The following ITGB5 variants were observed in gnomAD, a reference collection of about 807,000 sequenced individuals.
ITGB5 encodes integrin beta-5.
In ITGB5, 38 loss-of-function variants were observed where a neutral mutation model predicts 84.8. The ratio of observed to expected loss-of-function variants is 0.45; its 90% CI spans 0.35 to 0.59. ITGB5 has a LOEUF of 0.59. Ranked by LOEUF, ITGB5 falls within the 20% of genes least tolerant of loss-of-function variation. The pLI is 0.01. For synonymous variants in ITGB5, 393 were observed against 414.4 expected (o/e 0.95, Z 0.63); for missense variants, 905 against 1,034.5 (o/e 0.87, Z 1.72).
chr3:124,790,714 T>TC (rs2064138082), intron 10 of ITGB5, among the ~76,000 whole-genome samples: 1 of 149,028 alleles, frequency 6.7e-6, no homozygotes, highest in South Asian at 2.1e-4. Context: ...TTCTTGTTCT[T>TC]TTTTTTTTTG....
At chr3:124,804,207 G>C (rs1363191371) in intron 9 of ITGB5, among the ~76,000 whole-genome samples, 2 of 152,122 alleles carry the variant, frequency 1.3e-5, no homozygotes, top group African/African-American at 4.8e-5. Context: ...CATCATGATA[G>C]TTGCTTGTCA....
intron 3 of ITGB5, among the ~76,000 whole-genome samples, chr3:124,852,296 A>G (rs2107609003): frequency 6.6e-6 from 1 of 152,062 alleles, no homozygotes; most frequent in East Asian, 1.9e-4. Flanking sequence ...CCCTGTAGCT[A>G]TATCCCTTCT....
intron 10 of ITGB5, among the ~76,000 whole-genome samples, chr3:124,782,974 C>T (rs199806823): frequency 1.3e-5 from 2 of 151,638 alleles, no homozygotes; most frequent in South Asian, 2.1e-4. Context: ...CCCTTTCTTT[C>T]TTTTTTTTCT....
intron 2 of ITGB5, among the ~76,000 whole-genome samples, chr3:124,861,401 G>A (rs1197564749): frequency 7.4e-5 from 11 of 149,446 alleles, no homozygotes; most frequent in East Asian, 6.0e-4. Flanking sequence ...CAGGAGCTCC[G>A]GGCTGCAGTG....
intron 9 of ITGB5, among the ~76,000 whole-genome samples, chr3:124,806,306 G>A (rs1415182691): frequency 6.6e-6 from 1 of 151,828 alleles, no homozygotes; most frequent in East Asian, 1.9e-4. Context: ...CCTTGTTTGG[G>A]TATATTTCCC....
chr3:124,788,145 C>T (rs1471346205), intron 10 of ITGB5, among the ~76,000 whole-genome samples: 1 of 152,104 alleles, frequency 6.6e-6, no homozygotes, highest in Non-Finnish European at 1.5e-5. Context: ...AGCAATCCAC[C>T]CACCACCTTG....
intron 5 of ITGB5, among the ~76,000 whole-genome samples, chr3:124,823,986 C>T (rs2064746045): frequency 6.6e-6 from 1 of 152,020 alleles, no homozygotes; most frequent in Non-Finnish European, 1.5e-5. Context: ...TTGGAAGAGC[C>T]GATGGTGTTG....
In ITGB5 at chr3:124,859,487, G is replaced by C. The variant is rs757022618; in HGVS notation, c.157-41C>G. The C allele has an allele frequency of 3.9e-6, 6 of 1,544,938 alleles. No individual in the cohort carries two copies. In the South Asian group the frequency reaches 6.8e-5, roughly 18 times the overall value. On this transcript the variant is annotated intron_variant, in intron 2 of 14. Transcript: ENST00000296181. ...GAGGAAGAGAGCAGGAGGTGGTCAG[G>C]GTGTCTCCCGAAAACATCGCATGTC...
At chr3:124,885,100 A>G (rs36071060) in intron 1 of ITGB5, among the ~76,000 whole-genome samples, 67,336 of 151,908 alleles carry the variant, frequency 0.44, 15,221 homozygotes, top group East Asian at 0.67. Flanking sequence ...GTGAAACCCC[A>G]TCTCTACTAA....
At chr3:124,781,521 G>A (rs187820149) in intron 10 of ITGB5, among the ~76,000 whole-genome samples, 18 of 152,244 alleles carry the variant, frequency 1.2e-4, no homozygotes, top group East Asian at 1.2e-3. Context: ...TTTCTGAAAC[G>A]CACAGGACGT....
rs2063707247 is a variant in ITGB5, at chr3:124,762,327, G to C, written c.*1296C>G. On this transcript the variant is annotated 3_prime_UTR_variant, in exon 15 of 15. Transcript: ENST00000296181. Reference sequence around the variant, plus strand: ...TCTAAGAGCAAGCAGGAATGAGGAGGCTGGCCCTCTGGCCAGCATGAGATG... The same window carrying C: ...TCTAAGAGCAAGCAGGAATGAGGAGCCTGGCCCTCTGGCCAGCATGAGATG... 6.6e-6 allele frequency: 1 copy of C among 152,196 alleles called. No individual in the cohort carries two copies. The highest frequency in any genetic ancestry group is 2.1e-4 in the South Asian group (1 of 4,830). The allele number at this position is 152,196 out of a possible 1,614,324, so 9.4% of individuals were successfully genotyped here.
chr3:124,771,270 C>T (rs1180504209), intron 11 of ITGB5, among the ~76,000 whole-genome samples: 3 of 152,068 alleles, frequency 2.0e-5, no homozygotes, highest in African/African-American at 7.3e-5. Flanking sequence ...AGACTGGCTG[C>T]CCTGAAACCC....
chr3:124,767,829 T>C (rs1382530208), intron 12 of ITGB5, among the ~76,000 whole-genome samples: 1 of 152,170 alleles, frequency 6.6e-6, no homozygotes, highest in Non-Finnish European at 1.5e-5. Flanking sequence ...GGCAGCACTT[T>C]AGGAGGCTGA....
intron 10 of ITGB5, among the ~76,000 whole-genome samples, chr3:124,790,616 C>T (rs989909977): frequency 2.0e-5 from 3 of 152,180 alleles, no homozygotes; most frequent in African/African-American, 4.8e-5. Flanking sequence ...TTTGCTAAAT[C>T]GGCCGGGAAC....
chr3:124,886,641 C>T (rs1401859995), intron 1 of ITGB5, among the ~76,000 whole-genome samples: 2 of 151,988 alleles, frequency 1.3e-5, no homozygotes, highest in African/African-American at 4.8e-5. Flanking sequence ...CTCCCCGTGC[C>T]CTGGGCGCGG....
At chr3:124,841,689 A>G in intron 4 of ITGB5, 138 bp from the exon 5 acceptor site, 1 of 736,584 alleles carries the variant, frequency 1.4e-6, no homozygotes, top group Non-Finnish European at 2.2e-6. Context: ...CAGGACAGGC[A>G]CAGCAGAGAG....
intron 5 of ITGB5, among the ~76,000 whole-genome samples, chr3:124,829,493 C>T (rs1013931997): frequency 6.6e-6 from 1 of 152,188 alleles, no homozygotes; most frequent in Non-Finnish European, 1.5e-5. Context: ...CACACTCATG[C>T]GAGGGAACGA....
chr3:124,883,691 T>C (rs1443012989), intron 1 of ITGB5, among the ~76,000 whole-genome samples: 1 of 152,238 alleles, frequency 6.6e-6, no homozygotes, highest in Non-Finnish European at 1.5e-5. Flanking sequence ...AACATTCGAT[T>C]GCTTTTTTAA....
chr3:124,851,501 G>A (rs2065153282), intron 3 of ITGB5, among the ~76,000 whole-genome samples: 1 of 152,082 alleles, frequency 6.6e-6, no homozygotes, highest in Non-Finnish European at 1.5e-5. Flanking sequence ...TGAGGGCTGA[G>A]GGAAAGAAGG....
Sources: allele counts gnomAD v4.1 joint callset (sites outside exome capture counted in the v4.1 genomes callset), GRCh38; gene constraint gnomAD v4.1.1; transcripts MANE v1.5; gene names NCBI Gene and HGNC (gene_info 2026-07-23, HGNC 2026-07-21).